Variants in KAT2B observed in about 807,000 individuals in gnomAD.
The protein encoded by KAT2B is histone acetyltransferase KAT2B.
Under a neutral mutation model 105.9 loss-of-function variants are expected in KAT2B, and 36 were observed. The observed-to-expected ratio is 0.34, with a 90% CI of 0.26 to 0.45. The LOEUF is 0.45. KAT2B is among the 20% of genes least tolerant of loss of function. The pLI is 1.00. For missense variants in KAT2B, 820 were observed against 1,021.6 expected (o/e 0.80, Z 2.69); for synonymous variants, 397 against 377.9 (o/e 1.05, Z -0.59).
In KAT2B at chr3:20,114,964, A is replaced by G. The variant is rs768015791; in HGVS notation, c.1126A>G (p.Thr376Ala). ...DQDFLSASSR[T>A]SQLGIQTVIN... The stretch of plus-strand genomic sequence containing the variant: ...GGATTTTCTCTCAGCCTCTTCCAGA[A>G]CCAGCCAGCTAGGCATCCAAACAGG... Residue 376 changes from threonine (T) to alanine (A), a missense_variant, in exon 7 of 18, where the codon ACC becomes GCC. Physicochemically the swap from Thr to Ala is moderately conservative, Grantham distance 58. Transcript: ENST00000263754. 2 of 1,612,004 alleles carry G rather than the reference A, an allele frequency of 1.2e-6. No individual in the cohort carries two copies. Among genetic ancestry groups the G allele is most frequent in the East Asian group, 2.2e-5 (1 of 44,858 alleles).
chr3:20,069,395 C>G (rs1352684216), intron 1 of KAT2B, among the ~76,000 whole-genome samples: 6 of 152,080 alleles, frequency 3.9e-5, no homozygotes, highest in Admixed American at 6.6e-5. Flanking sequence ...TGATAAAGGT[C>G]AAGAGTTGTC....
At chr3:20,070,626 CAT>C (rs767968078) in intron 1 of KAT2B, among the ~76,000 whole-genome samples, 4 of 151,526 alleles carry the variant, frequency 2.6e-5, no homozygotes, top group Non-Finnish European at 5.9e-5. Context: ...TACTGTTACA[CAT>C]ATATACACAC....
At chr3:20,078,539 A>ATT (rs879676156) in intron 2 of KAT2B, among the ~76,000 whole-genome samples, 1 of 145,730 alleles carries the variant, frequency 6.9e-6, no homozygotes, top group African/African-American at 2.5e-5. Flanking sequence ...TGCCCAGCTA[A>ATT]TTTTTTTTTT....
intron 13 of KAT2B, among the ~76,000 whole-genome samples, chr3:20,141,786 C>CTT (rs11417956): frequency 0.058 from 8,191 of 140,076 alleles, 566 homozygotes; most frequent in South Asian, 0.31. Flanking sequence ...TGAGCAAAGG[C>CTT]TTTTTTTTTT....
chr3:20,090,548 C>T (rs1287142044), intron 2 of KAT2B, among the ~76,000 whole-genome samples: 2 of 152,116 alleles, frequency 1.3e-5, no homozygotes, highest in Non-Finnish European at 2.9e-5. Context: ...ATTCCTCTTG[C>T]TCGTGGTGAA....
At chr3:20,056,068 A>C (rs1181018589) in intron 1 of KAT2B, among the ~76,000 whole-genome samples, 3 of 152,246 alleles carry the variant, frequency 2.0e-5, no homozygotes, top group Non-Finnish European at 4.4e-5. Flanking sequence ...AGTGAATTCA[A>C]ATTAGATTTC....
chr3:20,066,748 TA>T (rs1055669974), intron 1 of KAT2B, among the ~76,000 whole-genome samples: 250 of 145,950 alleles, frequency 1.7e-3, no homozygotes, highest in African/African-American at 3.5e-3. Flanking sequence ...TGCACCGCAT[TA>T]AAAAAAAAAA....
chr3:20,073,414 G>A (rs981595279), intron 2 of KAT2B, among the ~76,000 whole-genome samples: 3 of 152,114 alleles, frequency 2.0e-5, no homozygotes, highest in Non-Finnish European at 4.4e-5. Flanking sequence ...AAATGGTGTC[G>A]CCTCCAAGGT....
chr3:20,131,049 CTT>C (rs1214925315), intron 11 of KAT2B, among the ~76,000 whole-genome samples: 2 of 96,348 alleles, frequency 2.1e-5, no homozygotes, highest in African/African-American at 7.9e-5. Flanking sequence ...GAGTTTTGCT[CTT>C]GTTGCCCAGG....
chr3:20,061,803 T>C (rs1351135245), intron 1 of KAT2B, among the ~76,000 whole-genome samples: 1 of 132,542 alleles, frequency 7.5e-6, no homozygotes, highest in Non-Finnish European at 1.6e-5. Context: ...TATTATATAT[T>C]ATATATTATA....
intron 15 of KAT2B, 83 bp downstream of exon 15, chr3:20,148,082 A>T: frequency 7.0e-7 from 1 of 1,435,510 alleles, no homozygotes; most frequent in Non-Finnish European, 9.8e-7. Flanking sequence ...ACGGCAAACT[A>T]ATTGTAATCA....
chr3:20,090,744 TGAAGTTTTTTTTTAGAG>T, intron 2 of KAT2B, among the ~76,000 whole-genome samples: 1 of 152,110 alleles, frequency 6.6e-6, no homozygotes, highest in East Asian at 1.9e-4. Flanking sequence ...TTCAGTTTTT[TGAAGTTTTTTTTTAGAG>T]TTTCACTTTG....
chr3:20,070,747 G>A (rs1161328452), intron 1 of KAT2B, among the ~76,000 whole-genome samples: 1 of 151,610 alleles, frequency 6.6e-6, no homozygotes, highest in South Asian at 2.1e-4. Flanking sequence ...GGTGGCGCAC[G>A]CCTGTAATAC....
intron 14 of KAT2B, among the ~76,000 whole-genome samples, chr3:20,147,448 C>A (rs1699799309): frequency 6.6e-6 from 1 of 151,734 alleles, no homozygotes. Context: ...TGAGAGGCAA[C>A]TTACTCTTAT....
chr3:20,049,654 G>A (rs1333524485), intron 1 of KAT2B, among the ~76,000 whole-genome samples: 1 of 151,092 alleles, frequency 6.6e-6, no homozygotes, highest in African/African-American at 2.4e-5. Flanking sequence ...TACTCCAATT[G>A]AGAGGTATGT....
intron 11 of KAT2B, among the ~76,000 whole-genome samples, chr3:20,132,324 GATTGT>G (rs1215300730): frequency 3.9e-5 from 6 of 152,170 alleles, no homozygotes; most frequent in African/African-American, 1.2e-4. Flanking sequence ...GGTGAGCCAA[GATTGT>G]GCTATTGCAC....
intron 11 of KAT2B, among the ~76,000 whole-genome samples, chr3:20,132,321 C>CAGGCTG (rs1468897320): frequency 3.9e-5 from 6 of 152,036 alleles, no homozygotes; most frequent in African/African-American, 1.2e-4. Flanking sequence ...TGCGGTGAGC[C>CAGGCTG]AAGATTGTGC....
intron 1 of KAT2B, among the ~76,000 whole-genome samples, chr3:20,060,393 G>A (rs1351914593): frequency 6.6e-6 from 1 of 152,196 alleles, no homozygotes. Flanking sequence ...CCTGAGGTCG[G>A]GAGTCTGAGA....
chr3:20,111,155 G>C (rs1003110492), intron 5 of KAT2B, among the ~76,000 whole-genome samples: 3 of 152,026 alleles, frequency 2.0e-5, no homozygotes, highest in African/African-American at 7.3e-5. Flanking sequence ...CCATTAATGT[G>C]CCAGTAACTC....
Sources: allele counts gnomAD v4.1 joint callset (sites outside exome capture counted in the v4.1 genomes callset), GRCh38; gene constraint gnomAD v4.1.1; transcripts MANE v1.5; gene names NCBI Gene and HGNC (gene_info 2026-07-23, HGNC 2026-07-21).